Variants in KCNH8 observed in about 807,000 individuals in gnomAD.
The protein encoded by KCNH8 is potassium voltage-gated channel subfamily H member 8.
KCNH8 carries 70 observed loss-of-function variants against 103.6 expected under a neutral mutation model. The observed-to-expected ratio is 0.68, with a 90% confidence interval of 0.56 to 0.82. KCNH8 has a LOEUF of 0.82. Ranked by LOEUF, KCNH8 falls within the 40% of genes least tolerant of loss-of-function variation. KCNH8 has a pLI of 0.00. For missense variants in KCNH8, 1,217 were observed against 1,329.9 expected (o/e 0.92, Z 1.32); for synonymous variants, 498 against 489.4 (o/e 1.02, Z -0.23).
chr3:19,455,264 C>T (rs1360541742), intron 10 of KCNH8, among the ~76,000 whole-genome samples: 1 of 152,212 alleles, frequency 6.6e-6, no homozygotes, highest in South Asian at 2.1e-4. Flanking sequence ...TTTCCCCCAC[C>T]AATTTCTTCA....
chr3:19,411,658 A>G (rs926599784), intron 7 of KCNH8, among the ~76,000 whole-genome samples: 3 of 152,026 alleles, frequency 2.0e-5, no homozygotes, highest in Admixed American at 6.6e-5. Context: ...CAACTTCAGC[A>G]AATTTCAGGA....
rs113772694 is a variant in KCNH8, at chr3:19,170,584, CTATATATA to C, written c.76+21807_76+21814del. 2.4e-4 allele frequency among the ~76,000 whole-genome samples: 27 copies of C among 114,046 alleles called. No homozygotes were observed. The South Asian group carries it at 5.7e-3, about 24-fold the overall frequency. The allele number at this position is 114,046 out of a possible 152,430, so 74.8% of individuals were successfully genotyped here. On this transcript the variant is annotated intron_variant, in intron 1 of 15. Coordinates refer to ENST00000328405, the MANE Select transcript of KCNH8 (RefSeq NM_144633.3). Reference sequence around the variant, plus strand: ...GCAAGTGCCCCACTTCTTGGGGCATCTATATATATATATATATATATATATGTATACAC... The same window carrying C: ...GCAAGTGCCCCACTTCTTGGGGCATCTATATATATATATATATGTATACAC...
intron 1 of KCNH8, among the ~76,000 whole-genome samples, chr3:19,150,952 C>G (rs940500860): frequency 5.9e-5 from 9 of 151,992 alleles, no homozygotes; most frequent in African/African-American, 9.7e-5. Flanking sequence ...GTGAACACCT[C>G]TCCTCCCAAG....
intron 11 of KCNH8, among the ~76,000 whole-genome samples, chr3:19,499,321 A>G (rs924025767): frequency 1.3e-5 from 2 of 152,188 alleles, no homozygotes; most frequent in African/African-American, 2.4e-5. Flanking sequence ...TGATTGATGT[A>G]CCTGAAAGTC....
chr3:19,268,372 T>C (rs1400481582), intron 2 of KCNH8, among the ~76,000 whole-genome samples: 1 of 152,038 alleles, frequency 6.6e-6, no homozygotes, highest in Non-Finnish European at 1.5e-5. Flanking sequence ...AGCATTCTAG[T>C]CAAAGAGAGC....
intron 7 of KCNH8, among the ~76,000 whole-genome samples, chr3:19,436,950 AAC>A (rs1343797346): frequency 1.3e-5 from 2 of 152,330 alleles, no homozygotes; most frequent in Non-Finnish European, 2.9e-5. Context: ...ACTCTGTAGC[AAC>A]ACAGAAGGAA....
At chr3:19,269,266 G>C (rs999415512) in intron 2 of KCNH8, among the ~76,000 whole-genome samples, 3 of 152,000 alleles carry the variant, frequency 2.0e-5, no homozygotes, top group African/African-American at 7.2e-5. Flanking sequence ...GATAAGGAGA[G>C]CTATTTTTCT....
rs1331802978 is a variant in KCNH8, at chr3:19,170,808, A to ATTTTT, written c.76+22014_76+22015insTTTTT. 4.4e-4 allele frequency among the ~76,000 whole-genome samples: 44 copies of ATTTTT among 100,164 alleles called. No individual in the cohort carries two copies. The South Asian group carries it at 5.8e-3, about 13-fold the overall frequency. The allele number at this position is 100,164 out of a possible 152,430, so 65.7% of individuals were successfully genotyped here. ...CACACACATATATATATATATATAT[A>ATTTTT]TATTTTTTTTTTTTTTTTTGAGACG... On this transcript the variant is annotated intron_variant, in intron 1 of 15. Coordinates refer to ENST00000328405, the MANE Select transcript of KCNH8 (RefSeq NM_144633.3).
intron 7 of KCNH8, among the ~76,000 whole-genome samples, chr3:19,397,848 T>C (rs2066546810): frequency 6.6e-6 from 1 of 151,840 alleles, no homozygotes; most frequent in Non-Finnish European, 1.5e-5. Context: ...CATTTAAATG[T>C]TCATTTAAAA....
At chr3:19,514,660 C>T (rs749330874) in intron 13 of KCNH8, among the ~76,000 whole-genome samples, 7 of 150,534 alleles carry the variant, frequency 4.7e-5, no homozygotes, top group Non-Finnish European at 8.9e-5. Context: ...TACTATTTAC[C>T]ATGAAAAGAA....
Position 19,343,083 on chromosome 3 carries a change from T to C in KCNH8, c.570+369T>C, listed in dbSNP as rs1471992733. On this transcript the variant is annotated intron_variant, in intron 4 of 15. Coordinates refer to ENST00000328405, the MANE Select transcript of KCNH8 (RefSeq NM_144633.3). The stretch of plus-strand genomic sequence containing the variant: ...GGTTAAAATTTCTCAAATTTAATTT[T>C]AGTTCCATCTGTTTTGCATATTATC... 2.0e-5 allele frequency among the ~76,000 whole-genome samples: 3 copies of C among 152,138 alleles called. No individual in the cohort carries two copies. The East Asian group carries it at 5.8e-4, about 29-fold the overall frequency.
chr3:19,533,561 G>T lies in KCNH8; in HGVS notation c.2786G>T (p.Ser929Ile), dbSNP rs765545002. Residue 929 changes from serine to isoleucine, a missense_variant, in exon 16 of 16, where the codon AGT becomes ATT. Transcript: ENST00000328405. Reference protein sequence around the residue: ...RESLQTRTSWSAHQPCLHLQT... With the variant: ...RESLQTRTSWIAHQPCLHLQT... ...AGCTTACAGACCAGAACGAGCTGGA[G>T]TGCACACCAGCCTTGCCTACACTTG... 28 of 1,614,082 alleles carry T rather than the reference G, an allele frequency of 1.7e-5. No homozygotes were observed. Among genetic ancestry groups the T allele is most frequent in the Non-Finnish European group, 2.3e-5 (27 of 1,180,044 alleles).
At chr3:19,247,418 G>T (rs1216686373) in intron 1 of KCNH8, among the ~76,000 whole-genome samples, 1 of 152,180 alleles carries the variant, frequency 6.6e-6, no homozygotes, top group Non-Finnish European at 1.5e-5. Context: ...ATACAAAGTA[G>T]TTTCCAGAAA....
intron 7 of KCNH8, among the ~76,000 whole-genome samples, chr3:19,431,291 G>C (rs1410324702): frequency 6.6e-6 from 1 of 152,208 alleles, no homozygotes; most frequent in Non-Finnish European, 1.5e-5. Context: ...CACATTTATT[G>C]ATTTGTGTAT....
intron 1 of KCNH8, among the ~76,000 whole-genome samples, chr3:19,185,993 T>C (rs1017185053): frequency 2.0e-5 from 3 of 152,038 alleles, no homozygotes; most frequent in African/African-American, 7.2e-5. Context: ...CAATTGCAGA[T>C]GTTACCCTCA....
intron 7 of KCNH8, among the ~76,000 whole-genome samples, chr3:19,430,910 T>G (rs930573743): frequency 1.3e-5 from 2 of 152,218 alleles, no homozygotes; most frequent in Non-Finnish European, 2.9e-5. Flanking sequence ...TTTCTAGATA[T>G]AGAATCATAT....
chr3:19,379,437 C>T (rs573101435), intron 5 of KCNH8, among the ~76,000 whole-genome samples: 7 of 152,038 alleles, frequency 4.6e-5, no homozygotes, highest in African/African-American at 1.2e-4. Context: ...GCCAGGAGAT[C>T]GAGACCATCC....
chr3:19,323,696 C>A (rs1468248483), intron 3 of KCNH8, among the ~76,000 whole-genome samples: 8 of 152,098 alleles, frequency 5.3e-5, no homozygotes, highest in Admixed American at 5.2e-4. Context: ...ACAGGATGCT[C>A]CCTTGATGTG....
At chr3:19,489,135 A>G (rs1247364114) in intron 11 of KCNH8, among the ~76,000 whole-genome samples, 3 of 151,998 alleles carry the variant, frequency 2.0e-5, no homozygotes, top group Non-Finnish European at 4.4e-5. Flanking sequence ...CTTCAGCTTT[A>G]CTTCCTCTTT....
Sources: gnomAD v4.1 joint callset for allele counts (sites outside exome capture counted in the v4.1 genomes callset) on GRCh38, gnomAD v4.1.1 for gene constraint, MANE v1.5 for transcripts, NCBI Gene and HGNC (gene_info 2026-07-23, HGNC 2026-07-21) for gene names.